ENOX1: variants seen among roughly 807,000 people sequenced by gnomAD.
ENOX1 encodes the protein ecto-NOX disulfide-thiol exchanger 1, also known as candidate growth-related and time keeping constitutive hydroquinone (NADH) oxidase.
Under a neutral mutation model 82.5 loss-of-function variants are expected in ENOX1, and 42 were observed. The ratio of observed to expected loss-of-function variants is 0.51; its 90% confidence interval spans 0.40 to 0.66. The LOEUF (loss-of-function observed/expected upper bound fraction) is 0.66. Ranked by LOEUF, ENOX1 falls within the 30% of genes least tolerant of loss-of-function variation. The pLI, the probability that ENOX1 is intolerant of heterozygous loss-of-function variation, is 0.00. For missense variants in ENOX1, 608 were observed against 811.6 expected, an observed-to-expected ratio of 0.75 and a Z score of 3.05; for synonymous variants, 271 against 282.2, an observed-to-expected ratio of 0.96 and a Z score of 0.40.
intron 16 of ENOX1, among the ~76,000 whole-genome samples, chr13:43,215,326 T>C (rs2041415179): frequency 6.6e-6 from 1 of 152,244 alleles, no homozygotes. Flanking sequence ...AAATACATTG[T>C]ATTCTAAAAT....
intron 3 of ENOX1, among the ~76,000 whole-genome samples, chr13:43,416,660 G>A (rs1448466468): frequency 6.7e-6 from 1 of 149,756 alleles, no homozygotes; most frequent in African/African-American, 2.5e-5. Flanking sequence ...GGTGGTGGCG[G>A]GGCAGAGGCA....
At chr13:43,757,770 C>T (rs992592399) in intron 1 of ENOX1, among the ~76,000 whole-genome samples, 3 of 152,146 alleles carry the variant, frequency 2.0e-5, no homozygotes, top group Non-Finnish European at 4.4e-5. Context: ...TAACACTAAA[C>T]ACGCAATTAC....
At chr13:43,393,048 T>C (rs998808147) in intron 5 of ENOX1, among the ~76,000 whole-genome samples, 6 of 152,200 alleles carry the variant, frequency 3.9e-5, no homozygotes, top group Admixed American at 1.3e-4. Context: ...TGTGGGCATT[T>C]CTGATATTTT....
intron 11 of ENOX1, among the ~76,000 whole-genome samples, chr13:43,304,171 G>A (rs1231225376): frequency 3.3e-5 from 5 of 152,208 alleles, no homozygotes; most frequent in Admixed American, 6.5e-5. Context: ...AAAAGGCACA[G>A]TCACTATTCT....
At chr13:43,751,458 C>G (rs1420030169) in intron 1 of ENOX1, among the ~76,000 whole-genome samples, 1 of 152,150 alleles carries the variant, frequency 6.6e-6, no homozygotes, top group African/African-American at 2.4e-5. Context: ...CCTGTGAAAC[C>G]ATCATCACAA....
chr13:43,542,726 G>A (rs986434380), intron 2 of ENOX1, among the ~76,000 whole-genome samples: 1 of 152,172 alleles, frequency 6.6e-6, no homozygotes, highest in Admixed American at 6.5e-5. Flanking sequence ...GTGAGCCACG[G>A]TGCCAGCCAT....
chr13:43,343,849 G>C (rs542280193), intron 9 of ENOX1, among the ~76,000 whole-genome samples: 12 of 152,132 alleles, frequency 7.9e-5, no homozygotes, highest in African/African-American at 2.9e-4. Context: ...GACACAGATA[G>C]AGTGCCCATA....
chr13:43,488,400 A>G (rs112532625), intron 2 of ENOX1, among the ~76,000 whole-genome samples: 212 of 152,310 alleles, frequency 1.4e-3, no homozygotes, highest in African/African-American at 4.9e-3. Context: ...AGACAACAGA[A>G]TCTTCTGGTG....
At chr13:43,719,266 C>A (rs2088381060) in intron 1 of ENOX1, among the ~76,000 whole-genome samples, 1 of 149,830 alleles carries the variant, frequency 6.7e-6, no homozygotes, top group South Asian at 2.1e-4. Context: ...TTATACCTAC[C>A]ACTGAGTTGT....
At chr13:43,712,756 T>C (rs562720668) in intron 1 of ENOX1, among the ~76,000 whole-genome samples, 75 of 152,348 alleles carry the variant, frequency 4.9e-4, no homozygotes, top group African/African-American at 1.8e-3. Context: ...TTTTTGTACA[T>C]TGATTTTGTA....
At chr13:43,249,166 GA>G (rs10709125) in intron 14 of ENOX1, among the ~76,000 whole-genome samples, 119,034 of 151,566 alleles carry the variant, frequency 0.79, 47,115 homozygotes, top group South Asian at 0.86. Flanking sequence ...CTAAAAATGA[GA>G]AAAAAAAAAT....
intron 3 of ENOX1, among the ~76,000 whole-genome samples, chr13:43,422,365 C>T (rs1178034297): frequency 6.6e-6 from 1 of 152,114 alleles, no homozygotes; most frequent in Non-Finnish European, 1.5e-5. Flanking sequence ...CATATATGTA[C>T]AGTACTAAAG....
At chr13:43,383,839 C>T (rs1016922590) in intron 5 of ENOX1, among the ~76,000 whole-genome samples, 2 of 152,194 alleles carry the variant, frequency 1.3e-5, no homozygotes, top group African/African-American at 4.8e-5. Context: ...TGGCTTTCTC[C>T]TTCTGGACAC....
In ENOX1 at chr13:43,280,211, G is replaced by A. The variant is rs191100515; in HGVS notation, c.1447-10634C>T. Among the ~76,000 whole-genome samples, 148 of 152,268 alleles carry A rather than the reference G, an allele frequency of 9.7e-4. 1 individual carries two copies. The highest frequency in any genetic ancestry group is 3.4e-3 in the African/African-American group (143 of 41,542). Reference sequence around the variant, plus strand: ...ATGGAACAGCTGGGTCTTGCACTATGCCCTGAAGGCCTACAGAAATTTGTT... The same window carrying A: ...ATGGAACAGCTGGGTCTTGCACTATACCCTGAAGGCCTACAGAAATTTGTT... On this transcript the variant is annotated intron_variant, in intron 12 of 16. Transcript: ENST00000690772.
chr13:43,356,338 G>T (rs1314657561), intron 7 of ENOX1, among the ~76,000 whole-genome samples, 186 bp from the exon 8 acceptor site: 1 of 152,078 alleles, frequency 6.6e-6, no homozygotes, highest in Non-Finnish European at 1.5e-5. Flanking sequence ...GTAAAGTTAG[G>T]CCTATTACAG....
intron 2 of ENOX1, among the ~76,000 whole-genome samples, chr13:43,536,151 T>G (rs2078450832): frequency 6.6e-6 from 1 of 152,226 alleles, no homozygotes; most frequent in South Asian, 2.1e-4. Flanking sequence ...TAAGTTAATG[T>G]AAAAACACTG....
chr13:43,256,753 G>A (rs781204377), intron 14 of ENOX1, among the ~76,000 whole-genome samples: 5 of 152,168 alleles, frequency 3.3e-5, no homozygotes, highest in Non-Finnish European at 7.3e-5. Context: ...ACAGTATGGA[G>A]TTTCTTCAGA....
At chr13:43,465,673 T>A (rs564020314) in intron 3 of ENOX1, among the ~76,000 whole-genome samples, 132 of 152,324 alleles carry the variant, frequency 8.7e-4, no homozygotes, top group South Asian at 5.4e-3. Context: ...CAAACCCAGT[T>A]ATATGCACAT....
chr13:43,383,108 T>C (rs1185623040), intron 5 of ENOX1, among the ~76,000 whole-genome samples: 1 of 152,198 alleles, frequency 6.6e-6, no homozygotes, highest in Non-Finnish European at 1.5e-5. Flanking sequence ...AAATCTAGCA[T>C]AAAACATGGT....
Sources: gnomAD v4.1 joint callset for allele counts (sites outside exome capture counted in the v4.1 genomes callset) on GRCh38, gnomAD v4.1.1 for gene constraint, MANE v1.5 for transcripts, NCBI Gene and HGNC (gene_info 2026-07-23, HGNC 2026-07-21) for gene names.